Variants in NOL4L observed in about 807,000 individuals in gnomAD.
NOL4L encodes nucleolar protein 4 like, also known as nucleolar protein 4-like.
Under a neutral mutation model 64.5 loss-of-function variants are expected in NOL4L, and 7 were observed. The ratio of observed to expected loss-of-function variants is 0.11; its 90% CI spans 0.06 to 0.20. The LOEUF (loss-of-function observed/expected upper bound fraction) is 0.20. Ranked by LOEUF, NOL4L falls within the 10% of genes least tolerant of loss-of-function variation. The probability of loss-of-function intolerance (pLI) is 1.00; values close to 1 mark genes in which losing one functional copy is unlikely to be tolerated. For missense variants in NOL4L, 680 were observed against 967.1 expected, an observed-to-expected ratio of 0.70 and a Z score of 3.94; for synonymous variants, 413 against 401.0, an observed-to-expected ratio of 1.03 and a Z score of -0.36.
At chr20:32,554,769 A>G (rs1978544350) in intron 1 of NOL4L, among the ~76,000 whole-genome samples, 1 of 152,174 alleles carries the variant, frequency 6.6e-6, no homozygotes, top group South Asian at 2.1e-4. Flanking sequence ...AAATCAGGGT[A>G]GGGGACAAGG....
chr20:32,480,348 G>A (rs2015639997), intron 4 of NOL4L, among the ~76,000 whole-genome samples: 1 of 152,224 alleles, frequency 6.6e-6, no homozygotes, highest in South Asian at 2.1e-4. Context: ...GTGTGTTTCA[G>A]AGGAGGGCAG....
At chr20:32,501,543 G>A (rs2016921004) in intron 4 of NOL4L, among the ~76,000 whole-genome samples, 1 of 152,206 alleles carries the variant, frequency 6.6e-6, no homozygotes, top group South Asian at 2.1e-4. Context: ...TGGTTCATTA[G>A]TGGTAACAAA....
In NOL4L at chr20:32,452,324, G is replaced by A. The variant is rs367872242; in HGVS notation, c.1734C>T (p.Gly578=). The A allele has an allele frequency of 2.9e-5, 46 of 1,608,872 alleles. No homozygotes were observed. The highest frequency in any genetic ancestry group is 3.6e-5 in the Non-Finnish European group (42 of 1,177,156). The change falls in exon 10 of 11, where the codon GGC becomes GGT. Residue 578 remains glycine, a synonymous_variant. Coordinates refer to ENST00000621426, the MANE Select transcript of NOL4L (RefSeq NM_001256798.2). ...ACCCGCGGTAACTGTAGTTGAGGCC[G>A]CCGTTGGCGTACACAGGGTCCTGGG... ...SYSQDPVYAN[G]GLNYSYRGYG...
chr20:32,468,505 C>T (rs1028236077), intron 5 of NOL4L, among the ~76,000 whole-genome samples: 1 of 152,170 alleles, frequency 6.6e-6, no homozygotes, highest in Non-Finnish European at 1.5e-5. Flanking sequence ...GGTTGAGCAC[C>T]TATTCAGTGC....
intron 4 of NOL4L, among the ~76,000 whole-genome samples, chr20:32,485,085 A>AAAAAAAAAAC (rs1568643237): frequency 3.5e-5 from 5 of 144,298 alleles, no homozygotes; most frequent in East Asian, 2.1e-4. Context: ...AAAAAAAAAA[A>AAAAAAAAAAC]AACAACTAAA....
Position 32,584,948 on chromosome 20 carries a change from G to GGGACT in NOL4L, c.-63_-59dup. The GGGACT allele has an allele frequency of 9.9e-7, 1 of 1,005,258 alleles. No individual in the cohort carries two copies. The highest frequency in any genetic ancestry group is 1.2e-6 in the Non-Finnish European group (1 of 827,978). 62.3% of individuals were successfully genotyped at this position (1,005,258 alleles called of 1,614,324 possible). The stretch of plus-strand genomic sequence containing the variant: ...GCCGGCCGCCGGGCCGCCCGGTGCC[G>GGGACT]GGACTGGGCTGGGCTGGGCTGGACC... On this transcript the variant is annotated 5_prime_UTR_variant, in exon 1 of 11. Transcript: ENST00000621426.
intron 4 of NOL4L, among the ~76,000 whole-genome samples, chr20:32,485,286 TA>T (rs1159933452): frequency 1.3e-5 from 2 of 152,094 alleles, no homozygotes; most frequent in Non-Finnish European, 2.9e-5. Flanking sequence ...TTTTTTTCTG[TA>T]AAAAGCCTTT....
chr20:32,579,727 G>A lies in NOL4L; in HGVS notation c.321+4843C>T, dbSNP rs568434300. Among the ~76,000 whole-genome samples the A allele has an allele frequency of 7.9e-5, 12 of 152,306 alleles. No individual in the cohort carries two copies. In the South Asian group the frequency reaches 1.7e-3, roughly 21 times the overall value. ...GACCTGTCTGCATCACCCTGGCACC[G>A]AAATGCAGCCCCCCAGAGTTACCCA... On this transcript the variant is annotated intron_variant, in intron 1 of 10. Transcript: ENST00000621426.
intron 1 of NOL4L, among the ~76,000 whole-genome samples, chr20:32,570,048 C>A (rs1327778477): frequency 2.6e-5 from 4 of 152,080 alleles, no homozygotes; most frequent in Non-Finnish European, 4.4e-5. Flanking sequence ...AAGTCTCTTA[C>A]CAGCATGAAA....
Position 32,517,735 on chromosome 20 carries a change from C to T in NOL4L, c.589+3076G>A, listed in dbSNP as rs571471026. Among the ~76,000 whole-genome samples, 411 of 152,308 alleles carry T rather than the reference C, an allele frequency of 2.7e-3. 4 individuals carry two copies. Among genetic ancestry groups the T allele is most frequent in the African/African-American group, 9.3e-3 (387 of 41,560 alleles). On this transcript the variant is annotated intron_variant, in intron 3 of 10. Coordinates refer to ENST00000621426, the MANE Select transcript of NOL4L (RefSeq NM_001256798.2). ...CGTTGGCAGCCTTGTGTCTGGGCAC[C>T]GTAGGCCACGACACGGGCTGGAGGC...
chr20:32,522,525 A>C (rs934816407), intron 2 of NOL4L, among the ~76,000 whole-genome samples: 1 of 151,994 alleles, frequency 6.6e-6, no homozygotes, highest in African/African-American at 2.4e-5. Context: ...TGTGGCCACC[A>C]CTCTACCCCT....
chr20:32,553,556 A>G (rs752040230), intron 1 of NOL4L, among the ~76,000 whole-genome samples: 2 of 152,080 alleles, frequency 1.3e-5, no homozygotes, highest in African/African-American at 2.4e-5. Flanking sequence ...CCCTAGCCCC[A>G]TTCTCTGCTT....
chr20:32,485,579 T>G (rs2016055594), intron 4 of NOL4L: 1 of 346,112 alleles, frequency 2.9e-6, no homozygotes, highest in Admixed American at 4.2e-5. Flanking sequence ...AAATGTGTTT[T>G]CAAACCAATT....
At chr20:32,518,046 G>C (rs1248435222) in intron 3 of NOL4L, among the ~76,000 whole-genome samples, 2 of 152,164 alleles carry the variant, frequency 1.3e-5, no homozygotes, top group Non-Finnish European at 2.9e-5. Flanking sequence ...GTCCTGCCGA[G>C]GGACACACAG....
rs1225240665 is a variant in NOL4L at position 32,444,692 on chromosome 20, CAA to C, written c.*2902_*2903del. The C allele has an allele frequency of 1.3e-5, 2 of 152,210 alleles. No individual in the cohort carries two copies. The highest frequency in any genetic ancestry group is 2.9e-5 in the Non-Finnish European group (2 of 68,040). 9.4% of individuals were successfully genotyped at this position (152,210 alleles called of 1,614,324 possible). A position where few individuals can be genotyped will look rare whatever the true frequency, so the allele number is the denominator to read the frequency against. On this transcript the variant is annotated 3_prime_UTR_variant, in exon 11 of 11. Coordinates refer to ENST00000621426, the MANE Select transcript of NOL4L (RefSeq NM_001256798.2). Reference sequence around the variant, plus strand: ...CCCTTCTTGTGGGATTAGCCTCCTGCAAAGACTCTGGAATTGGAGTATCCTAC... The same window carrying C: ...CCCTTCTTGTGGGATTAGCCTCCTGCAGACTCTGGAATTGGAGTATCCTAC...
At chr20:32,477,332 G>A (rs780001908) in intron 4 of NOL4L, among the ~76,000 whole-genome samples, 6 of 152,186 alleles carry the variant, frequency 3.9e-5, no homozygotes, top group East Asian at 3.9e-4. Flanking sequence ...GAGCTAACAC[G>A]AGGCAGAGCC....
At chr20:32,583,141 G>A (rs1428198190) in intron 1 of NOL4L, among the ~76,000 whole-genome samples, 2 of 151,828 alleles carry the variant, frequency 1.3e-5, no homozygotes, top group Non-Finnish European at 2.9e-5. Context: ...GCTGCTGGCG[G>A]CCGCAGCGCG....
intron 1 of NOL4L, among the ~76,000 whole-genome samples, chr20:32,545,798 C>T (rs1324050068): frequency 6.6e-6 from 1 of 152,180 alleles, no homozygotes; most frequent in East Asian, 1.9e-4. Context: ...TGCCGTTATT[C>T]TAGCGTGCTG....
chr20:32,555,707 C>T lies in NOL4L; in HGVS notation c.322-27794G>A, dbSNP rs547815189. 8.5e-5 allele frequency among the ~76,000 whole-genome samples: 13 copies of T among 152,236 alleles called. No homozygotes were observed. The East Asian group carries it at 2.5e-3, about 29-fold the overall frequency. The stretch of plus-strand genomic sequence containing the variant: ...AAGAGAAGATTAGGATACAGACGTT[C>T]ACAGAGAGACCATGAGAAGACACGG... On this transcript the variant is annotated intron_variant, in intron 1 of 10. Transcript: ENST00000621426.
Sources: gnomAD v4.1 joint callset for allele counts (sites outside exome capture counted in the v4.1 genomes callset) on GRCh38, gnomAD v4.1.1 for gene constraint, MANE v1.5 for transcripts, NCBI Gene and HGNC (gene_info 2026-07-23, HGNC 2026-07-21) for gene names.